Variants in TCOF1 observed in about 807,000 individuals in gnomAD.
TCOF1 encodes the protein treacle ribosome biogenesis factor 1.
A neutral mutation model predicts 149.0 loss-of-function variants in TCOF1; 33 were observed. The ratio of observed to expected loss-of-function variants is 0.22; its 90% CI spans 0.17 to 0.30. The LOEUF (loss-of-function observed/expected upper bound fraction) is 0.30, where lower values mean the gene tolerates loss of function less well. Ranked by LOEUF, TCOF1 falls within the 10% of genes least tolerant of loss-of-function variation. The probability of loss-of-function intolerance (pLI) is 1.00; values close to 1 mark genes in which losing one functional copy is unlikely to be tolerated. For synonymous variants in TCOF1, 789 were observed against 738.8 expected (o/e 1.07, Z -1.10); for missense variants, 1,728 against 1,840.7 (o/e 0.94, Z 1.12).
intron 1 of TCOF1, among the ~76,000 whole-genome samples, chr5:150,359,422 G>A (rs1176835682): frequency 1.3e-5 from 2 of 152,292 alleles, no homozygotes; most frequent in South Asian, 4.1e-4. Flanking sequence ...ATGGAGGCAG[G>A]GGCTGGCTGG....
chr5:150,357,801 C>T lies in TCOF1; in HGVS notation c.55C>T (p.Leu19=). ...ELLPLIYHHL[L]RAGYVRAARE... is the part of the protein sequence containing the mutation. ...ACTTCCCCTGATCTACCACCATCTG[C>T]TGCGGGCTGGCTATGTGCGTGCGGC... The change falls in exon 1 of 27, where the codon CTG becomes TTG. Residue 19 remains leucine (L), a synonymous_variant. Transcript: ENST00000643257. 3 of 1,549,902 alleles carry T rather than the reference C, an allele frequency of 1.9e-6. No homozygotes were observed. Among genetic ancestry groups the T allele is most frequent in the Non-Finnish European group, 2.6e-6 (3 of 1,146,594 alleles).
At chr5:150,398,964 A>G (rs1769192695) in intron 25 of TCOF1, 58 bp from the exon 26 acceptor site, 2 of 1,613,764 alleles carry the variant, frequency 1.2e-6, no homozygotes, top group East Asian at 2.2e-5. Context: ...AGGTGGGGGC[A>G]GCAGTGGGTG....
chr5:150,391,759 A>G (rs1767494186), intron 20 of TCOF1, 102 bp downstream of exon 20: 1 of 1,283,468 alleles, frequency 7.8e-7, no homozygotes. Context: ...TGACCTCTGC[A>G]CTTGGTTTGC....
chr5:150,397,153 CAAAAAAAAA>C (rs58246300), intron 24 of TCOF1, among the ~76,000 whole-genome samples: 19 of 88,716 alleles, frequency 2.1e-4, no homozygotes, highest in East Asian at 1.0e-3. Context: ...GCAAGACTGT[CAAAAAAAAA>C]AAAAAAAAAA....
intron 17 of TCOF1, chr5:150,380,969 A>G (rs1246790386): frequency 1.3e-5 from 2 of 152,192 alleles, no homozygotes; most frequent in Non-Finnish European, 2.9e-5. Flanking sequence ...AGATCATGCC[A>G]TTGCTTTGCA....
chr5:150,361,561 A>G (rs1760100171), intron 2 of TCOF1, among the ~76,000 whole-genome samples: 1 of 152,248 alleles, frequency 6.6e-6, no homozygotes, highest in African/African-American at 2.4e-5. Context: ...TCTTTCCTGC[A>G]GCTGACATTG....
In TCOF1 at chr5:150,375,002, G is replaced by A; in HGVS notation, c.1327G>A (p.Ala443Thr). ...APQVRAASAPAKESPRKGAAP... is the reference protein window; with the variant it reads ...APQVRAASAPTKESPRKGAAP... Reference sequence around the variant, plus strand: ...CCAGGTCAGAGCCGCCTCGGCCCCTGCCAAGGAGTCCCCCAGGAAAGGGGC... The same window carrying A: ...CCAGGTCAGAGCCGCCTCGGCCCCTACCAAGGAGTCCCCCAGGAAAGGGGC... Residue 443 changes from alanine to threonine, a missense_variant, in exon 10 of 27, where the codon GCC (alanine) becomes ACC (threonine). Physicochemically the swap from Ala to Thr is moderately conservative, Grantham distance 58. This residue lies in a region of TCOF1 where 1,696 missense variants were observed against 1,765.4 expected (regional missense o/e 0.96). Coordinates refer to ENST00000643257, the MANE Select transcript of TCOF1 (RefSeq NM_001371623.1). 1 of 1,613,806 alleles carries A rather than the reference G, an allele frequency of 6.2e-7. No homozygotes were observed. The highest frequency in any genetic ancestry group is 8.5e-7 in the Non-Finnish European group (1 of 1,179,950).
At chr5:150,368,529 T>C (rs1256601494) in intron 4 of TCOF1, 187 bp from the exon 5 acceptor site, 1 of 632,726 alleles carries the variant, frequency 1.6e-6, no homozygotes, top group Non-Finnish European at 2.8e-6. Context: ...TTCTGTTTTC[T>C]CAACACCTCT....
rs1487982964 is a variant in TCOF1, at chr5:150,369,544, G to T, written c.581G>T (p.Gly194Val). Residue 194 changes from glycine to valine, a missense_variant, in exon 6 of 27, where the codon GGC becomes GTC. Coordinates refer to ENST00000643257, the MANE Select transcript of TCOF1 (RefSeq NM_001371623.1). ...AAAKPGMVSA[G>V]QADSSSEDTS... The stretch of plus-strand genomic sequence containing the variant: ...CGATCCTCAGGGATGGTGTCAGCGG[G>T]CCAGGCCGACAGCTCCAGCGAGGAC... 6.2e-7 allele frequency: 1 copy of T among 1,614,116 alleles called. No homozygotes were observed. Among genetic ancestry groups the T allele is most frequent in the South Asian group, 1.1e-5 (1 of 91,078 alleles).
intron 6 of TCOF1, among the ~76,000 whole-genome samples, chr5:150,370,868 T>A (rs1276617840): frequency 6.6e-6 from 1 of 152,126 alleles, no homozygotes; most frequent in Non-Finnish European, 1.5e-5. Context: ...AAGTCCTAGG[T>A]AGACAGGGGC....
chr5:150,389,262 A>G (rs1766916950), intron 18 of TCOF1, among the ~76,000 whole-genome samples: 2 of 152,206 alleles, frequency 1.3e-5, no homozygotes, highest in South Asian at 4.1e-4. Flanking sequence ...AACCTAAAAT[A>G]TACGTGTGTT....
intron 17 of TCOF1, among the ~76,000 whole-genome samples, chr5:150,381,944 C>CTGGGAGGCTGAGA (rs1163202527): frequency 6.6e-6 from 1 of 152,156 alleles, no homozygotes; most frequent in Non-Finnish European, 1.5e-5. Flanking sequence ...ACCTGTAATC[C>CTGGGAGGCTGAGA]CAGCACTTTG....
At chr5:150,383,041 A>T (rs1765552003) in intron 17 of TCOF1, 1 of 1,526,056 alleles carries the variant, frequency 6.6e-7, no homozygotes, top group Non-Finnish European at 8.8e-7. Context: ...CCACGTGCTT[A>T]TCCAGGTCTT....
At chr5:150,382,466 G>A (rs1225083008) in intron 17 of TCOF1, among the ~76,000 whole-genome samples, 1 of 152,240 alleles carries the variant, frequency 6.6e-6, no homozygotes, top group Non-Finnish European at 1.5e-5. Flanking sequence ...AGCTCAGGCA[G>A]CCTGGGTCCT....
intron 18 of TCOF1, among the ~76,000 whole-genome samples, chr5:150,389,227 A>G (rs949631404): frequency 1.3e-5 from 2 of 152,226 alleles, no homozygotes; most frequent in African/African-American, 4.8e-5. Context: ...TACTGTTAAC[A>G]TTTGACAAAT....
chr5:150,360,155 G>A (rs1759707312), intron 1 of TCOF1, among the ~76,000 whole-genome samples: 1 of 152,234 alleles, frequency 6.6e-6, no homozygotes, highest in Admixed American at 6.5e-5. Flanking sequence ...CCAGATAGCA[G>A]CCTGCAAGGT....
At chr5:150,379,084 G>T in intron 15 of TCOF1, 42 bp downstream of exon 15, 1 of 1,613,842 alleles carries the variant, frequency 6.2e-7, no homozygotes, top group Non-Finnish European at 8.5e-7. Flanking sequence ...GAGGGTTGGG[G>T]TAGAGAGGAG....
At chr5:150,363,635 A>G (rs970836449) in intron 2 of TCOF1, among the ~76,000 whole-genome samples, 4 of 152,246 alleles carry the variant, frequency 2.6e-5, no homozygotes, top group Admixed American at 1.3e-4. Flanking sequence ...AAAGCTATGA[A>G]GAAAATGAAA....
Position 150,392,663 on chromosome 5 carries a change from G to T in TCOF1, c.3518-42G>T, listed in dbSNP as rs1050361043. On this transcript the variant is annotated intron_variant, in intron 21 of 26. Coordinates refer to ENST00000643257, the MANE Select transcript of TCOF1 (RefSeq NM_001371623.1). ...AGGGCTCTGCCCTTCCCGGCTGGCAGGGGCCACCTGGGGCTACCAACAGGA... is the reference window on the plus strand; with the variant it reads ...AGGGCTCTGCCCTTCCCGGCTGGCATGGGCCACCTGGGGCTACCAACAGGA... 20 of 1,608,366 alleles carry T rather than the reference G, an allele frequency of 1.2e-5. No individual in the cohort carries two copies. The Admixed American group carries it at 2.8e-4, about 23-fold the overall frequency.
Sources: gnomAD v4.1 joint callset for allele counts (sites outside exome capture counted in the v4.1 genomes callset) on GRCh38, gnomAD v4.1.1 for gene constraint, gnomAD v4.1.1 regional missense constraint, MANE v1.5 for transcripts, NCBI Gene and HGNC (gene_info 2026-07-23, HGNC 2026-07-21) for gene names.